The following ZBTB20 variants were observed in gnomAD, a reference collection of about 807,000 sequenced individuals.
The protein encoded by ZBTB20 is zinc finger and BTB domain containing 20, also known as zinc finger and BTB domain-containing protein 20.
In ZBTB20, 9 loss-of-function variants were observed where a neutral mutation model predicts 56.9. That is an observed-to-expected ratio of 0.16 (90% CI 0.10 to 0.28). ZBTB20 has a LOEUF of 0.28. ZBTB20 is among the 10% of genes least tolerant of loss of function. ZBTB20 has a pLI of 1.00. For synonymous variants in ZBTB20, 417 were observed against 420.7 expected, an observed-to-expected ratio of 0.99 and a Z score of 0.11; for missense variants, 655 against 1,003.0, an observed-to-expected ratio of 0.65 and a Z score of 4.69.
chr3:114,688,014 G>A (rs893575720), intron 6 of ZBTB20: 3 of 152,262 alleles, frequency 2.0e-5, no homozygotes, highest in Non-Finnish European at 4.4e-5. Context: ...TGGATCACTT[G>A]AGGCCAGGAG....
chr3:114,871,815 C>T (rs544446714), intron 4 of ZBTB20, among the ~76,000 whole-genome samples: 1 of 152,238 alleles, frequency 6.6e-6, no homozygotes, highest in East Asian at 1.9e-4. Flanking sequence ...CAACACCACA[C>T]TCTCTATACC....
At chr3:114,346,108 G>A (rs1302329793) in intron 11 of ZBTB20, among the ~76,000 whole-genome samples, 1 of 152,148 alleles carries the variant, frequency 6.6e-6, no homozygotes, top group African/African-American at 2.4e-5. Context: ...GATAAAGAGT[G>A]GTTAGGTGAG....
chr3:114,363,266 T>C (rs1482624355), intron 10 of ZBTB20, among the ~76,000 whole-genome samples: 1 of 152,184 alleles, frequency 6.6e-6, no homozygotes, highest in African/African-American at 2.4e-5. Flanking sequence ...CCTTATTCAT[T>C]TGAAAATTGG....
rs138325914 is a variant in ZBTB20, at chr3:114,858,242, C to T, written c.-417+42062G>A. The stretch of plus-strand genomic sequence containing the variant: ...TTAAACGCAGTTATATCCCTAAAAA[C>T]GATTGCAGGGAACAAGCTCCCACAG... On this transcript the variant is annotated intron_variant, in intron 4 of 11. Coordinates refer to ENST00000675478, the MANE Select transcript of ZBTB20 (RefSeq NM_001348800.3). Among the ~76,000 whole-genome samples the T allele has an allele frequency of 2.2e-3, 337 of 152,248 alleles. 2 individuals carry two copies. Among genetic ancestry groups the T allele is most frequent in the Admixed American group, 7.8e-3 (119 of 15,302 alleles).
intron 1 of ZBTB20, among the ~76,000 whole-genome samples, chr3:115,110,991 A>AAAAAAT (rs1186440238): frequency 7.2e-6 from 1 of 139,848 alleles, no homozygotes; most frequent in Non-Finnish European, 1.5e-5. Flanking sequence ...CTCCATCTCA[A>AAAAAAT]AAAAATAAAA....
At chr3:114,573,463 GAA>G (rs1173999269) in intron 6 of ZBTB20, among the ~76,000 whole-genome samples, 16 of 34,346 alleles carry the variant, frequency 4.7e-4, no homozygotes, top group Admixed American at 4.6e-3. Context: ...CAACAAAAAA[GAA>G]AAAAAAAAAA....
At chr3:114,464,427 T>A (rs978123032) in intron 7 of ZBTB20, among the ~76,000 whole-genome samples, 1 of 152,200 alleles carries the variant, frequency 6.6e-6, no homozygotes, top group Non-Finnish European at 1.5e-5. Context: ...TTCTGCACAG[T>A]GATGGTGATG....
intron 1 of ZBTB20, among the ~76,000 whole-genome samples, chr3:115,098,164 G>T (rs1403710032): frequency 6.6e-6 from 1 of 152,136 alleles, no homozygotes; most frequent in Non-Finnish European, 1.5e-5. Flanking sequence ...AAAAGAAGCT[G>T]TGATGTATTT....
At chr3:114,524,631 T>C (rs1324469631) in intron 6 of ZBTB20, among the ~76,000 whole-genome samples, 1 of 152,158 alleles carries the variant, frequency 6.6e-6, no homozygotes, top group African/African-American at 2.4e-5. Context: ...TTACAAACTT[T>C]AATTTCCTAG....
intron 3 of ZBTB20, among the ~76,000 whole-genome samples, chr3:114,930,184 G>A (rs1372982124): frequency 6.6e-6 from 1 of 152,138 alleles, no homozygotes; most frequent in Non-Finnish European, 1.5e-5. Flanking sequence ...GTGAGTAAGA[G>A]CTAAGGGAAA....
chr3:114,798,297 C>G (rs2071460121), intron 5 of ZBTB20, among the ~76,000 whole-genome samples: 1 of 150,070 alleles, frequency 6.7e-6, no homozygotes, highest in East Asian at 1.9e-4. Flanking sequence ...CTACAGGACT[C>G]GTTGCTCAAC....
intron 4 of ZBTB20, among the ~76,000 whole-genome samples, chr3:114,816,838 G>T (rs539401965): frequency 2.1e-4 from 32 of 152,232 alleles, no homozygotes; most frequent in African/African-American, 7.5e-4. Context: ...AATTATAGTA[G>T]CCTGCACTAT....
At chr3:114,511,544 T>A (rs1461967865) in intron 6 of ZBTB20, among the ~76,000 whole-genome samples, 1 of 152,162 alleles carries the variant, frequency 6.6e-6, no homozygotes, top group African/African-American at 2.4e-5. Flanking sequence ...ATGTCTTATG[T>A]GAACTTTTAA....
chr3:114,567,801 T>C (rs80080364), intron 6 of ZBTB20, among the ~76,000 whole-genome samples: 3,144 of 152,260 alleles, frequency 0.021, 107 homozygotes, highest in African/African-American at 0.071. Flanking sequence ...ACCCCTGGAA[T>C]ACAGATGAGC....
intron 5 of ZBTB20, among the ~76,000 whole-genome samples, chr3:114,696,630 G>A (rs2063034545): frequency 6.6e-6 from 1 of 151,996 alleles, no homozygotes; most frequent in African/African-American, 2.4e-5. Context: ...ACAAATGCCT[G>A]GTTCCCAGAG....
intron 3 of ZBTB20, among the ~76,000 whole-genome samples, chr3:114,937,419 C>T (rs1034363608): frequency 2.6e-5 from 4 of 151,152 alleles, no homozygotes; most frequent in Non-Finnish European, 4.4e-5. Flanking sequence ...ATGTCTTCTT[C>T]TTCTTCTTCT....
At chr3:115,129,821 G>A (rs560899925) in intron 1 of ZBTB20, among the ~76,000 whole-genome samples, 2 of 152,202 alleles carry the variant, frequency 1.3e-5, no homozygotes, top group South Asian at 2.1e-4. Context: ...AAAAATAAAC[G>A]AAGAAATTTT....
At chr3:114,815,054 G>GT (rs1490111935) in intron 4 of ZBTB20, among the ~76,000 whole-genome samples, 8 of 152,192 alleles carry the variant, frequency 5.3e-5, no homozygotes, top group Admixed American at 3.9e-4. Context: ...AAATATTCAG[G>GT]TAACTTCCTA....
chr3:114,965,974 G>C (rs1560444903), intron 3 of ZBTB20, among the ~76,000 whole-genome samples: 1 of 151,936 alleles, frequency 6.6e-6, no homozygotes, highest in Admixed American at 6.6e-5. Context: ...TTACTGTTAA[G>C]TGTTTGCTTT....
Sources: allele counts gnomAD v4.1 joint callset (sites outside exome capture counted in the v4.1 genomes callset), GRCh38; gene constraint gnomAD v4.1.1; transcripts MANE v1.5; gene names NCBI Gene and HGNC (gene_info 2026-07-23, HGNC 2026-07-21).